Variants in LRRC4C observed in about 807,000 individuals in gnomAD.
The protein encoded by LRRC4C is leucine-rich repeat-containing protein 4C.
LRRC4C carries 5 observed loss-of-function variants against 33.6 expected under a neutral mutation model. The ratio of observed to expected loss-of-function variants is 0.15; its 90% confidence interval spans 0.08 to 0.31. LRRC4C has a LOEUF of 0.31. Among genes scored for constraint, LRRC4C ranks in the 10% least tolerant of loss-of-function variants. The pLI, the probability that LRRC4C is intolerant of heterozygous loss-of-function variation, is 1.00. For synonymous variants in LRRC4C, 329 were observed against 302.0 expected (o/e 1.09, Z -0.93); for missense variants, 560 against 796.7 (o/e 0.70, Z 3.58).
chr11:40,165,736 G>A (rs929234255), intron 5 of LRRC4C, among the ~76,000 whole-genome samples: 2 of 152,020 alleles, frequency 1.3e-5, no homozygotes, highest in African/African-American at 2.4e-5. Flanking sequence ...ACCTGAGGTC[G>A]GGAGTTCAAG....
intron 1 of LRRC4C, among the ~76,000 whole-genome samples, chr11:41,352,624 G>T (rs1952021133): frequency 6.6e-6 from 1 of 151,888 alleles, no homozygotes; most frequent in African/African-American, 2.4e-5. Flanking sequence ...CAGCCATAAA[G>T]TAATTCTCAA....
intron 2 of LRRC4C, among the ~76,000 whole-genome samples, chr11:40,772,988 G>A (rs1276119887): frequency 6.6e-6 from 1 of 152,118 alleles, no homozygotes; most frequent in Non-Finnish European, 1.5e-5. Context: ...AGGAAATGTG[G>A]CACATATACA....
intron 5 of LRRC4C, among the ~76,000 whole-genome samples, chr11:40,235,167 C>T (rs1034176184): frequency 4.6e-5 from 7 of 152,188 alleles, no homozygotes; most frequent in Non-Finnish European, 8.8e-5. Flanking sequence ...ATTTAACTAT[C>T]TTGTGGCAGG....
intron 1 of LRRC4C, among the ~76,000 whole-genome samples, chr11:41,105,138 A>T (rs1463466246): frequency 6.6e-6 from 1 of 151,922 alleles, no homozygotes; most frequent in African/African-American, 2.4e-5. Flanking sequence ...ACATTATCTG[A>T]TCTTCATTGC....
At chr11:41,078,170 G>A (rs763846147) in intron 1 of LRRC4C, among the ~76,000 whole-genome samples, 22 of 152,130 alleles carry the variant, frequency 1.4e-4, no homozygotes, top group Admixed American at 2.0e-4. Flanking sequence ...AAGTCTCTAG[G>A]AAGTTCCAAA....
At chr11:41,014,700 C>T (rs529536107) in intron 1 of LRRC4C, among the ~76,000 whole-genome samples, 196 of 152,104 alleles carry the variant, frequency 1.3e-3, no homozygotes, top group African/African-American at 4.5e-3. Flanking sequence ...ATATACTTAT[C>T]CTCCCACAAG....
chr11:41,041,518 C>T (rs1565327594), intron 1 of LRRC4C, among the ~76,000 whole-genome samples: 2 of 150,688 alleles, frequency 1.3e-5, no homozygotes, highest in Non-Finnish European at 3.0e-5. Context: ...AGTAGACTTG[C>T]ATAGTACTCT....
rs79809057 is a variant in LRRC4C at position 40,569,293 on chromosome 11, G to A, written c.-270+78849C>T. Among the ~76,000 whole-genome samples the A allele has an allele frequency of 3.6e-3, 547 of 152,192 alleles. 20 individuals carry two copies. In the East Asian group the frequency reaches 0.06, roughly 17 times the overall value. On this transcript the variant is annotated intron_variant, in intron 3 of 6. Transcript: ENST00000528697. Reference sequence around the variant, plus strand: ...CTCAGATGCTGAAACTGATATAAATGTGATTATTTGAGATGAAGTTTCTCA... The same window carrying A: ...CTCAGATGCTGAAACTGATATAAATATGATTATTTGAGATGAAGTTTCTCA...
chr11:40,937,599 GTATA>G lies in LRRC4C; in HGVS notation c.-495-3880_-495-3877del, dbSNP rs1301208561. Among the ~76,000 whole-genome samples, 237 of 133,592 alleles carry G rather than the reference GTATA, an allele frequency of 1.8e-3. 2 individuals carry two copies. Among genetic ancestry groups the G allele is most frequent in the African/African-American group, 6.8e-3 (228 of 33,692 alleles). 87.6% of individuals were successfully genotyped at this position (133,592 alleles called of 152,430 possible). A position where few individuals can be genotyped will look rare whatever the true frequency, so the allele number is the denominator to read the frequency against. ...AATAATTCACTCTTCTTGAGTGTGT[GTATA>G]TGTGTGTGTGTGTGTGTGTGTGTGT... On this transcript the variant is annotated intron_variant, in intron 1 of 6. Coordinates refer to ENST00000528697, the MANE Select transcript of LRRC4C (RefSeq NM_001258419.2).
intron 1 of LRRC4C, among the ~76,000 whole-genome samples, chr11:40,989,762 A>G (rs1363248251): frequency 6.6e-6 from 1 of 152,172 alleles, no homozygotes; most frequent in Non-Finnish European, 1.5e-5. Flanking sequence ...CACGTCAAAA[A>G]TAATCAGAGA....
chr11:40,513,829 T>C (rs1955444494), intron 3 of LRRC4C, among the ~76,000 whole-genome samples: 1 of 152,330 alleles, frequency 6.6e-6, no homozygotes, highest in African/African-American at 2.4e-5. Flanking sequence ...GCTTCCATTT[T>C]CTTTTTTCTT....
At chr11:40,916,016 A>G (rs1393765741) in intron 2 of LRRC4C, among the ~76,000 whole-genome samples, 2 of 152,250 alleles carry the variant, frequency 1.3e-5, no homozygotes, top group African/African-American at 2.4e-5. Flanking sequence ...CATACCAGTT[A>G]GAATGGCAAT....
intron 3 of LRRC4C, among the ~76,000 whole-genome samples, chr11:40,578,140 GGTTTTTTTTTTTTTTTTTT>G: frequency 2.5e-5 from 1 of 40,570 alleles, no homozygotes; most frequent in Non-Finnish European, 4.1e-5. Context: ...TTTTTTTTTC[GGTTTTTTTTTTTTTTTTTT>G]TTTTTTTTTT....
chr11:40,556,373 A>C (rs1957333287), intron 3 of LRRC4C, among the ~76,000 whole-genome samples: 1 of 152,222 alleles, frequency 6.6e-6, no homozygotes, highest in African/African-American at 2.4e-5. Context: ...AGGCTGAAAA[A>C]CTAGAGACAG....
At chr11:40,636,680 A>G (rs933490077) in intron 3 of LRRC4C, among the ~76,000 whole-genome samples, 3 of 152,160 alleles carry the variant, frequency 2.0e-5, no homozygotes, top group Non-Finnish European at 4.4e-5. Context: ...AGTATATAAC[A>G]TGTAACCACA....
intron 1 of LRRC4C, among the ~76,000 whole-genome samples, chr11:40,982,177 A>G (rs1852591334): frequency 6.6e-6 from 1 of 152,212 alleles, no homozygotes; most frequent in South Asian, 2.1e-4. Flanking sequence ...GATTGTAGAG[A>G]CATGCAAATA....
chr11:40,212,364 G>A (rs1237959562), intron 5 of LRRC4C, among the ~76,000 whole-genome samples: 2 of 151,720 alleles, frequency 1.3e-5, no homozygotes, highest in Non-Finnish European at 2.9e-5. Flanking sequence ...GGATTTAGGA[G>A]CAAAGCACCC....
intron 1 of LRRC4C, among the ~76,000 whole-genome samples, chr11:41,120,123 G>T (rs568021684): frequency 1.3e-5 from 2 of 152,026 alleles, no homozygotes; most frequent in Admixed American, 1.3e-4. Context: ...TTTCACAATT[G>T]AAGGAAGAGG....
chr11:40,542,924 T>A (rs1457941927), intron 3 of LRRC4C, among the ~76,000 whole-genome samples: 1 of 152,174 alleles, frequency 6.6e-6, no homozygotes, highest in Non-Finnish European at 1.5e-5. Context: ...GACAGTTACA[T>A]TTTACACATT....
Sources: gnomAD v4.1 joint callset for allele counts (sites outside exome capture counted in the v4.1 genomes callset) on GRCh38, gnomAD v4.1.1 for gene constraint, MANE v1.5 for transcripts, NCBI Gene and HGNC (gene_info 2026-07-23, HGNC 2026-07-21) for gene names.